DCC: variants seen among roughly 807,000 people sequenced by gnomAD.
The protein encoded by DCC is DCC netrin 1 receptor.
DCC carries 58 observed loss-of-function variants against 172.5 expected under a neutral mutation model. The ratio of observed to expected loss-of-function variants is 0.34; its 90% confidence interval spans 0.27 to 0.42. DCC has a LOEUF of 0.42. Among genes scored for constraint, DCC ranks in the 10% least tolerant of loss-of-function variants. The pLI, the probability that DCC is intolerant of heterozygous loss-of-function variation, is 1.00. For missense variants in DCC, 1,740 were observed against 1,791.0 expected, an observed-to-expected ratio of 0.97 and a Z score of 0.51; for synonymous variants, 709 against 644.5, an observed-to-expected ratio of 1.10 and a Z score of -1.52.
intron 7 of DCC, among the ~76,000 whole-genome samples, chr18:53,070,666 A>G (rs2042639897): frequency 1.3e-5 from 2 of 152,194 alleles, no homozygotes; most frequent in Admixed American, 6.5e-5. Context: ...TTTTCCATCT[A>G]GATGGTAGAG....
chr18:52,397,723 A>G (rs190043958), intron 1 of DCC, among the ~76,000 whole-genome samples: 1 of 152,050 alleles, frequency 6.6e-6, no homozygotes, highest in Admixed American at 6.6e-5. Flanking sequence ...TAATAATAGG[A>G]GCCATTGCCA....
rs1258631619 is a variant in DCC, at chr18:53,187,375, GC to G, written c.1573+8265del. 3.3e-5 allele frequency among the ~76,000 whole-genome samples: 5 copies of G among 151,922 alleles called. No individual in the cohort carries two copies. The East Asian group carries it at 9.7e-4, about 29-fold the overall frequency. On this transcript the variant is annotated intron_variant, in intron 9 of 28. Coordinates refer to ENST00000442544, the MANE Select transcript of DCC (RefSeq NM_005215.4). ...CTGACCTCATTATCTGTCTGCCTCG[GC>G]CCCCCAAAGTGCTGGGATTACAGGA...
intron 1 of DCC, among the ~76,000 whole-genome samples, chr18:52,475,815 T>C (rs1000913942): frequency 6.6e-6 from 1 of 152,194 alleles, no homozygotes; most frequent in Non-Finnish European, 1.5e-5. Context: ...TTTTGCCTGG[T>C]TATATAGATT....
chr18:53,294,662 G>A (rs889783538), intron 12 of DCC, among the ~76,000 whole-genome samples: 3 of 152,240 alleles, frequency 2.0e-5, no homozygotes, highest in Non-Finnish European at 2.9e-5. Context: ...GGACTCACCC[G>A]GAAACAAGGC....
intron 1 of DCC, among the ~76,000 whole-genome samples, chr18:52,594,117 A>T (rs931654320): frequency 3.3e-5 from 5 of 152,176 alleles, no homozygotes; most frequent in Non-Finnish European, 7.3e-5. Context: ...CTTCAGAGAA[A>T]AGGCTATAAT....
At chr18:53,297,519 T>C (rs1416739619) in intron 12 of DCC, among the ~76,000 whole-genome samples, 1 of 152,208 alleles carries the variant, frequency 6.6e-6, no homozygotes, top group African/African-American at 2.4e-5. Context: ...AAGTCACAGC[T>C]ACTAGAACTG....
At chr18:52,592,656 G>A (rs1156478714) in intron 1 of DCC, among the ~76,000 whole-genome samples, 9 of 152,092 alleles carry the variant, frequency 5.9e-5, no homozygotes, top group Non-Finnish European at 1.2e-4. Context: ...TAGGAAAGAG[G>A]GCTTTCTTGC....
intron 12 of DCC, among the ~76,000 whole-genome samples, chr18:53,258,591 T>A (rs1473455168): frequency 6.6e-6 from 1 of 152,202 alleles, no homozygotes; most frequent in Non-Finnish European, 1.5e-5. Context: ...TTGTTATAAT[T>A]TCTGTTCTTT....
chr18:53,018,583 A>G (rs892533217), intron 5 of DCC, among the ~76,000 whole-genome samples: 2 of 152,132 alleles, frequency 1.3e-5, no homozygotes, highest in Non-Finnish European at 2.9e-5. Flanking sequence ...TCCTTTCTCT[A>G]TCAAAGCATG....
chr18:52,492,357 A>G (rs1315258604), intron 1 of DCC, among the ~76,000 whole-genome samples: 1 of 151,914 alleles, frequency 6.6e-6, no homozygotes, highest in Non-Finnish European at 1.5e-5. Context: ...CAATATTGAT[A>G]AGAGTGGTCA....
intron 1 of DCC, among the ~76,000 whole-genome samples, chr18:52,405,431 T>TC: frequency 7.0e-6 from 1 of 142,718 alleles, no homozygotes; most frequent in Non-Finnish European, 1.6e-5. Flanking sequence ...GAGCGTTTTT[T>TC]CATGTGTTTT....
At chr18:53,114,280 A>T (rs1381014095) in intron 7 of DCC, among the ~76,000 whole-genome samples, 1 of 151,204 alleles carries the variant, frequency 6.6e-6, no homozygotes, top group East Asian at 2.0e-4. Context: ...TGTCTTAAAA[A>T]GTAATGTCAG....
intron 7 of DCC, among the ~76,000 whole-genome samples, chr18:53,106,371 G>A (rs2043247766): frequency 6.6e-6 from 1 of 151,878 alleles, no homozygotes; most frequent in African/African-American, 2.4e-5. Flanking sequence ...GCCTGGTACT[G>A]GGAAGGTATA....
At chr18:53,394,343 C>T (rs944760269) in intron 17 of DCC, among the ~76,000 whole-genome samples, 5 of 152,146 alleles carry the variant, frequency 3.3e-5, no homozygotes, top group African/African-American at 9.7e-5. Flanking sequence ...TAAACTAGAG[C>T]AGGATCTCAG....
intron 1 of DCC, among the ~76,000 whole-genome samples, chr18:52,718,360 C>A (rs2036421728): frequency 6.6e-6 from 1 of 152,144 alleles, no homozygotes; most frequent in Non-Finnish European, 1.5e-5. Context: ...AATAGTATTT[C>A]TATTTTTTTC....
intron 27 of DCC, among the ~76,000 whole-genome samples, chr18:53,500,120 G>A (rs1247766726): frequency 6.6e-6 from 1 of 152,088 alleles, no homozygotes; most frequent in African/African-American, 2.4e-5. Flanking sequence ...GCAGGGATGG[G>A]AAATGAGTCC....
chr18:53,013,839 A>T (rs969482569), intron 5 of DCC, among the ~76,000 whole-genome samples: 2 of 152,160 alleles, frequency 1.3e-5, no homozygotes, highest in African/African-American at 4.8e-5. Flanking sequence ...CAGATTTCAA[A>T]TTATAGATTA....
At chr18:52,606,631 A>C (rs370653621) in intron 1 of DCC, among the ~76,000 whole-genome samples, 9 of 152,162 alleles carry the variant, frequency 5.9e-5, no homozygotes. Flanking sequence ...TGTAGTAAAG[A>C]TTTTAATTAG....
At chr18:52,597,813 C>A (rs11875402) in intron 1 of DCC, among the ~76,000 whole-genome samples, 1 of 152,264 alleles carries the variant, frequency 6.6e-6, no homozygotes, top group African/African-American at 2.4e-5. Context: ...GCTCTAGATT[C>A]TTCTCAATAA....
Sources: gnomAD v4.1 joint callset for allele counts (sites outside exome capture counted in the v4.1 genomes callset) on GRCh38, gnomAD v4.1.1 for gene constraint, MANE v1.5 for transcripts, NCBI Gene and HGNC (gene_info 2026-07-23, HGNC 2026-07-21) for gene names.